Variants in LDAH observed in about 807,000 individuals in gnomAD.
LDAH encodes the protein lipid droplet associated hydrolase, also known as lipid droplet-associated hydrolase.
Under a neutral mutation model 29.6 loss-of-function variants are expected in LDAH, and 26 were observed. The ratio of observed to expected loss-of-function variants is 0.88; its 90% confidence interval spans 0.64 to 1.22. LDAH has a LOEUF of 1.22. LDAH is among the 50% of genes most tolerant of loss of function. The pLI, the probability that LDAH is intolerant of heterozygous loss-of-function variation, is 0.00. For synonymous variants in LDAH, 117 were observed against 133.0 expected (o/e 0.88, Z 0.83); for missense variants, 344 against 387.3 (o/e 0.89, Z 0.94).
At chr2:20,703,350 A>C (rs1444237042) in intron 5 of LDAH, among the ~76,000 whole-genome samples, 1 of 152,140 alleles carries the variant, frequency 6.6e-6, no homozygotes, top group Non-Finnish European at 1.5e-5. Context: ...TCAAACCTCT[A>C]AACACTTACG....
At chr2:20,731,245 G>T (rs1056731884) in intron 5 of LDAH, among the ~76,000 whole-genome samples, 6 of 152,126 alleles carry the variant, frequency 3.9e-5, no homozygotes, top group African/African-American at 1.4e-4. Flanking sequence ...TGAATCATGG[G>T]GATGGTTTCT....
intron 3 of LDAH, among the ~76,000 whole-genome samples, chr2:20,787,200 C>T (rs1046802220): frequency 2.6e-5 from 4 of 152,208 alleles, no homozygotes; most frequent in African/African-American, 4.8e-5. Context: ...TTCCTTGTCT[C>T]TCTAGATTTT....
intron 4 of LDAH, among the ~76,000 whole-genome samples, chr2:20,755,115 T>C (rs1005330591): frequency 7.6e-6 from 1 of 131,192 alleles, no homozygotes; most frequent in Non-Finnish European, 1.6e-5. Flanking sequence ...AGAAGAAATA[T>C]TGTGTGTCTG....
intron 5 of LDAH, among the ~76,000 whole-genome samples, chr2:20,736,775 C>T (rs1005527287): frequency 1.3e-5 from 2 of 151,852 alleles, no homozygotes; most frequent in Admixed American, 6.6e-5. Flanking sequence ...ACAAACTTGT[C>T]TTGTGTGCAG....
chr2:20,716,723 TATATAC>T (rs945293426), intron 5 of LDAH, among the ~76,000 whole-genome samples: 13 of 143,420 alleles, frequency 9.1e-5, no homozygotes, highest in Admixed American at 2.8e-4. Flanking sequence ...ACTTTAAGTA[TATATAC>T]ATATATATAT....
intron 3 of LDAH, chr2:20,789,201 A>G (rs1264785890): frequency 6.4e-7 from 1 of 1,550,578 alleles, no homozygotes; most frequent in South Asian, 1.2e-5. Flanking sequence ...GTGAAACCCT[A>G]TGCCCAAATG....
At chr2:20,740,233 G>A (rs771345207) in intron 4 of LDAH, 28 bp from the exon 5 acceptor site, 14 of 1,492,256 alleles carry the variant, frequency 9.4e-6, no homozygotes. Context: ...ACTTTGATGA[G>A]AGGTTTTCTT....
At chr2:20,707,813 G>A (rs1664422667) in intron 5 of LDAH, among the ~76,000 whole-genome samples, 2 of 152,198 alleles carry the variant, frequency 1.3e-5, no homozygotes, top group African/African-American at 4.8e-5. Flanking sequence ...CAGGAGGTGA[G>A]CAGCAGGCAA....
At chr2:20,734,032 A>G (rs1399684783) in intron 5 of LDAH, among the ~76,000 whole-genome samples, 1 of 152,116 alleles carries the variant, frequency 6.6e-6, no homozygotes, top group East Asian at 1.9e-4. Flanking sequence ...GTTGATATCA[A>G]TTCTGTTTTG....
Position 20,698,345 on chromosome 2 carries a change from G to A in LDAH, c.786+3225C>T, listed in dbSNP as rs144548730. Among the ~76,000 whole-genome samples, 2 of 152,294 alleles carry A rather than the reference G, an allele frequency of 1.3e-5. No homozygotes were observed. The highest frequency in any genetic ancestry group is 2.9e-5 in the Non-Finnish European group (2 of 68,020). ...AACATCTAACCAAAACCAAGGACTG[G>A]GAAGGCCTCTTGGGGATGACACTAG... On this transcript the variant is annotated intron_variant, in intron 6 of 6. Transcript: ENST00000237822. The surrounding 1 kb of genome is among the most constrained non-coding windows in gnomAD (Gnocchi z 4.4).
chr2:20,822,533 A>G (rs1214727462), intron 1 of LDAH, among the ~76,000 whole-genome samples: 1 of 152,176 alleles, frequency 6.6e-6, no homozygotes, highest in Admixed American at 6.5e-5. Context: ...ACCAAGGAAT[A>G]AAGTGTTCCA....
At chr2:20,699,921 G>A (rs1410852840) in intron 6 of LDAH, among the ~76,000 whole-genome samples, 1 of 152,178 alleles carries the variant, frequency 6.6e-6, no homozygotes, top group Non-Finnish European at 1.5e-5. Context: ...CAACACACAA[G>A]CTGAATCCAG....
intron 5 of LDAH, among the ~76,000 whole-genome samples, chr2:20,722,916 C>T (rs985059209): frequency 1.3e-5 from 2 of 152,166 alleles, no homozygotes; most frequent in African/African-American, 4.8e-5. Context: ...CACATTGGTA[C>T]AACCACTTTG....
At chr2:20,710,585 G>GTGT (rs1553336526) in intron 5 of LDAH, among the ~76,000 whole-genome samples, 1 of 115,952 alleles carries the variant, frequency 8.6e-6, no homozygotes, top group Non-Finnish European at 1.8e-5. Context: ...TATATATAGG[G>GTGT]GTGTGTGTGT....
chr2:20,788,502 T>C lies in LDAH; in HGVS notation c.298+1753A>G, dbSNP rs1670713011. ...CCTTCAAAGAGTACAGGCTTTTGTA[T>C]GTTCAACCTTGTACATCAATGTCTA... On this transcript the variant is annotated intron_variant, in intron 3 of 6. Coordinates refer to ENST00000237822, the MANE Select transcript of LDAH (RefSeq NM_021925.4). Among the ~76,000 whole-genome samples, 5 of 152,226 alleles carry C rather than the reference T, an allele frequency of 3.3e-5. No homozygotes were observed. In the South Asian group the frequency reaches 1.0e-3, roughly 32 times the overall value.
rs527623903 is a variant in LDAH, at chr2:20,805,321, TC to T, written c.-2-3857del. The stretch of plus-strand genomic sequence containing the variant: ...AATGCTGGCTAGCTGCTGTATAGCT[TC>T]CCCTGTAGGCACCTAATTCCATGTA... On this transcript the variant is annotated intron_variant, in intron 1 of 6. Coordinates refer to ENST00000237822, the MANE Select transcript of LDAH (RefSeq NM_021925.4). Among the ~76,000 whole-genome samples, 7 of 152,276 alleles carry T rather than the reference TC, an allele frequency of 4.6e-5. No individual in the cohort carries two copies. In the South Asian group the frequency reaches 1.2e-3, roughly 27 times the overall value.
intron 5 of LDAH, among the ~76,000 whole-genome samples, chr2:20,715,609 C>A (rs931785106): frequency 2.0e-5 from 3 of 152,210 alleles, no homozygotes; most frequent in Non-Finnish European, 4.4e-5. Context: ...TTGCAGATGA[C>A]ATGATTGTAT....
intron 3 of LDAH, among the ~76,000 whole-genome samples, chr2:20,783,330 C>T (rs1273564275): frequency 1.3e-5 from 2 of 152,172 alleles, no homozygotes; most frequent in Non-Finnish European, 2.9e-5. Flanking sequence ...ATAAAGTTGA[C>T]TGAAGGTGCA....
intron 5 of LDAH, among the ~76,000 whole-genome samples, chr2:20,738,253 A>AAATAAT (rs3047714): frequency 0.027 from 3,766 of 141,570 alleles, 117 homozygotes; most frequent in African/African-American, 0.074. Context: ...TTCCATCTCA[A>AAATAAT]AATAATAATA....
Sources: gnomAD v4.1 joint callset for allele counts (sites outside exome capture counted in the v4.1 genomes callset) on GRCh38, gnomAD v4.1.1 for gene constraint, Gnocchi (gnomAD v3.1) non-coding constraint, MANE v1.5 for transcripts, NCBI Gene and HGNC (gene_info 2026-07-23, HGNC 2026-07-21) for gene names.